Variants in OPCML observed in about 807,000 individuals in gnomAD.
OPCML encodes the protein opioid binding protein/cell adhesion molecule like.
In OPCML, 13 loss-of-function variants were observed where a neutral mutation model predicts 37.8. The observed-to-expected ratio is 0.34, with a 90% CI of 0.22 to 0.55. The LOEUF (loss-of-function observed/expected upper bound fraction) is 0.55. Ranked by LOEUF, OPCML falls within the 20% of genes least tolerant of loss-of-function variation. OPCML has a pLI of 0.91. For missense variants in OPCML, 341 were observed against 435.6 expected (o/e 0.78, Z 1.93); for synonymous variants, 176 against 168.8 (o/e 1.04, Z -0.33).
At chr11:133,355,214 G>C (rs1044680886) in intron 1 of OPCML, among the ~76,000 whole-genome samples, 1 of 152,220 alleles carries the variant, frequency 6.6e-6, no homozygotes, top group Non-Finnish European at 1.5e-5. Context: ...TGCCCACATG[G>C]AATAGATTTG....
At chr11:133,194,159 A>G (rs919227722) in intron 1 of OPCML, among the ~76,000 whole-genome samples, 2 of 150,966 alleles carry the variant, frequency 1.3e-5, no homozygotes, top group African/African-American at 4.9e-5. Flanking sequence ...CACTCATTGA[A>G]GCCGATGGCC....
chr11:132,981,371 T>C (rs532379429), intron 1 of OPCML, among the ~76,000 whole-genome samples: 54 of 152,254 alleles, frequency 3.5e-4, no homozygotes, highest in African/African-American at 1.2e-3. Flanking sequence ...CAGGCAGCAC[T>C]GGGTCCTGAA....
intron 2 of OPCML, among the ~76,000 whole-genome samples, chr11:132,912,797 G>A (rs1165765952): frequency 6.6e-6 from 1 of 152,154 alleles, no homozygotes; most frequent in African/African-American, 2.4e-5. Flanking sequence ...GGAATGACTG[G>A]TTAATACATC....
chr11:132,900,537 AT>A (rs1172141625), intron 2 of OPCML, among the ~76,000 whole-genome samples: 3 of 152,282 alleles, frequency 2.0e-5, no homozygotes, highest in African/African-American at 7.2e-5. Flanking sequence ...AACATTTTTC[AT>A]GTCATCATTC....
chr11:132,862,652 G>A (rs1308753218), intron 2 of OPCML, among the ~76,000 whole-genome samples: 1 of 152,136 alleles, frequency 6.6e-6, no homozygotes, highest in Non-Finnish European at 1.5e-5. Flanking sequence ...AAGATGGTGG[G>A]CTGGGGAGAT....
At chr11:133,511,780 T>G (rs1344592749) in intron 1 of OPCML, among the ~76,000 whole-genome samples, 1 of 152,084 alleles carries the variant, frequency 6.6e-6, no homozygotes, top group Non-Finnish European at 1.5e-5. Context: ...ATGTTTGTTG[T>G]GTATTATAAG....
At chr11:133,433,700 A>G (rs752678649) in intron 1 of OPCML, among the ~76,000 whole-genome samples, 5 of 152,192 alleles carry the variant, frequency 3.3e-5, no homozygotes, top group Non-Finnish European at 7.3e-5. Context: ...CCATCCAGAG[A>G]CATCTTCAAC....
intron 1 of OPCML, among the ~76,000 whole-genome samples, chr11:133,342,278 T>C (rs1014802081): frequency 1.3e-5 from 2 of 152,154 alleles, no homozygotes; most frequent in Non-Finnish European, 2.9e-5. Flanking sequence ...TAAAGCACAC[T>C]AGCAAACAGG....
At chr11:133,125,426 T>A (rs192513556) in intron 1 of OPCML, among the ~76,000 whole-genome samples, 102 of 152,008 alleles carry the variant, frequency 6.7e-4, no homozygotes, top group African/African-American at 2.3e-3. Flanking sequence ...GTATTCATGT[T>A]TTACATACAG....
At chr11:132,813,897 C>G (rs944856577) in intron 2 of OPCML, among the ~76,000 whole-genome samples, 14 of 152,222 alleles carry the variant, frequency 9.2e-5, no homozygotes, top group African/African-American at 3.4e-4. Flanking sequence ...GCCAGCATTC[C>G]TCACCCTTGT....
chr11:133,522,819 T>A (rs1249643428), intron 1 of OPCML, among the ~76,000 whole-genome samples: 1 of 152,198 alleles, frequency 6.6e-6, no homozygotes, highest in African/African-American at 2.4e-5. Context: ...ACTAGACAAT[T>A]TCCAAGGTCC....
At chr11:133,100,540 G>A (rs892038857) in intron 1 of OPCML, among the ~76,000 whole-genome samples, 31 of 152,262 alleles carry the variant, frequency 2.0e-4, no homozygotes, top group South Asian at 2.1e-4. Flanking sequence ...CAAAGTTGGA[G>A]GACTGACACT....
intron 2 of OPCML, among the ~76,000 whole-genome samples, chr11:132,694,177 G>GTTTTTTTTTTTTTTTTTTTTTTTTTT (rs1565781232): frequency 1.6e-5 from 1 of 63,922 alleles, no homozygotes; most frequent in African/African-American, 5.9e-5. Flanking sequence ...TGAAATCAAT[G>GTTTTTTTTTTTTTTTTTTTTTTTTTT]TCTTTTTTTT....
chr11:132,788,101 G>A (rs1033497047), intron 2 of OPCML, among the ~76,000 whole-genome samples: 1 of 152,052 alleles, frequency 6.6e-6, no homozygotes, highest in Admixed American at 6.6e-5. Context: ...GGATGATCTC[G>A]ATCTCTTGAC....
chr11:132,867,045 C>T (rs1942591748), intron 2 of OPCML, among the ~76,000 whole-genome samples: 1 of 152,208 alleles, frequency 6.6e-6, no homozygotes, highest in African/African-American at 2.4e-5. Flanking sequence ...TGCTGAGGCC[C>T]TTTGTGATTT....
At chr11:132,522,394 C>A (rs190615143) in intron 4 of OPCML, among the ~76,000 whole-genome samples, 23 of 152,310 alleles carry the variant, frequency 1.5e-4, no homozygotes, top group African/African-American at 5.1e-4. Context: ...CCCAAGGCTG[C>A]TGGCACATTC....
At position 133,130,813 on chromosome 11, in the gene OPCML, A is replaced by AGGAGC. The variant is rs368484196; in HGVS notation, c.62-187808_62-187804dup. Among the ~76,000 whole-genome samples, 917 of 152,304 alleles carry AGGAGC rather than the reference A, an allele frequency of 6.0e-3. 7 individuals carry two copies. Among genetic ancestry groups the AGGAGC allele is most frequent in the African/African-American group, 0.021 (859 of 41,566 alleles). The stretch of plus-strand genomic sequence containing the variant: ...AACATAGTCAACTAAATTTTGACAA[A>AGGAGC]GGAGCTAAAGAAATTTAATTAAGAA... On this transcript the variant is annotated intron_variant, in intron 1 of 7. Transcript: ENST00000524381.
chr11:132,782,796 C>T (rs1300438145), intron 2 of OPCML, among the ~76,000 whole-genome samples: 3 of 150,878 alleles, frequency 2.0e-5, no homozygotes, highest in Non-Finnish European at 2.9e-5. Flanking sequence ...CACATTGACT[C>T]GATAGACAGT....
Position 133,222,115 on chromosome 11 carries a change from G to C in OPCML, c.62-279105C>G, listed in dbSNP as rs188974306. On this transcript the variant is annotated intron_variant, in intron 1 of 7. Coordinates refer to ENST00000524381, the MANE Select transcript of OPCML (RefSeq NM_001012393.5). ...AGTCACTGTGTGCCCAGCAGGACCA[G>C]ATGCTCAAGGATGGCTGCTGGGTTG... Among the ~76,000 whole-genome samples, 21 of 152,284 alleles carry C rather than the reference G, an allele frequency of 1.4e-4. No homozygotes were observed. The East Asian group carries it at 4.1e-3, about 29-fold the overall frequency.
Sources: allele counts gnomAD v4.1 joint callset (sites outside exome capture counted in the v4.1 genomes callset), GRCh38; gene constraint gnomAD v4.1.1; transcripts MANE v1.5; gene names NCBI Gene and HGNC (gene_info 2026-07-23, HGNC 2026-07-21).